The following OPRM1 variants were observed in gnomAD, a reference collection of about 807,000 sequenced individuals.
OPRM1 encodes opioid receptor mu 1, also known as mu-type opioid receptor.
OPRM1 carries 27 observed loss-of-function variants against 31.8 expected under a neutral mutation model. That is an observed-to-expected ratio of 0.85 (90% CI 0.63 to 1.17). OPRM1 has a LOEUF of 1.17. Ranked by LOEUF, OPRM1 falls within the 50% of genes most tolerant of loss-of-function variation. OPRM1 has a pLI of 0.00. For synonymous variants in OPRM1, 196 were observed against 189.9 expected (o/e 1.03, Z -0.26); for missense variants, 536 against 511.1 (o/e 1.05, Z -0.47).
At chr6:154,070,250 T>C (rs1701803086) in intron 1 of OPRM1, among the ~76,000 whole-genome samples, 1 of 152,162 alleles carries the variant, frequency 6.6e-6, no homozygotes, top group Admixed American at 6.5e-5. Flanking sequence ...AGAAAACTGT[T>C]AGCCAGGTAA....
At chr6:154,148,677 C>G (rs748088794) in intron 3 of OPRM1, among the ~76,000 whole-genome samples, 1 of 152,216 alleles carries the variant, frequency 6.6e-6, no homozygotes, top group African/African-American at 2.4e-5. Flanking sequence ...CTCCCCCAGA[C>G]CTCCTTGTCC....
chr6:154,220,153 A>G (rs2128615281), intron 3 of OPRM1, among the ~76,000 whole-genome samples: 1 of 152,302 alleles, frequency 6.6e-6, no homozygotes, highest in South Asian at 2.1e-4. Flanking sequence ...GGTTAAGCGT[A>G]AGCTCTGTGA....
rs1797725308 is a variant in OPRM1 at position 154,128,708 on chromosome 6, CTGAGCACATAAAGACATCAT to C, written c.*9992_*10011del. ...CTGGTTTCCCAGAGACAGCTGGAGACTGAGCACATAAAGACATCATTGAGGAAAAAGGCTACCTTGTACCT... is the reference window on the plus strand; with the variant it reads ...CTGGTTTCCCAGAGACAGCTGGAGACTGAGGAAAAAGGCTACCTTGTACCT... On this transcript the variant is annotated 3_prime_UTR_variant, in exon 4 of 4. Coordinates refer to ENST00000330432, the MANE Select transcript of OPRM1 (RefSeq NM_000914.5). Among the ~76,000 whole-genome samples the C allele has an allele frequency of 6.6e-6, 1 of 152,132 alleles. No homozygotes were observed.
At position 154,132,243 on chromosome 6, in the gene OPRM1, A is replaced by G. The variant is rs1461295669; in HGVS notation, c.*13522A>G. Among the ~76,000 whole-genome samples, 6 of 152,152 alleles carry G rather than the reference A, an allele frequency of 3.9e-5. No individual in the cohort carries two copies. Among genetic ancestry groups the G allele is most frequent in the Admixed American group, 2.6e-4 (4 of 15,270 alleles). On this transcript the variant is annotated 3_prime_UTR_variant, in exon 4 of 4. Coordinates refer to ENST00000330432, the MANE Select transcript of OPRM1 (RefSeq NM_000914.5). ...TAAAAAATATAAATTTTTGCATTGTATTGTTCTTGATGTACCAGCATACAT... is the reference window on the plus strand; with the variant it reads ...TAAAAAATATAAATTTTTGCATTGTGTTGTTCTTGATGTACCAGCATACAT...
At position 154,124,081 on chromosome 6, in the gene OPRM1, T is replaced by C. The variant is rs1797451983; in HGVS notation, c.*5360T>C. Among the ~76,000 whole-genome samples, 1 of 151,912 alleles carries C rather than the reference T, an allele frequency of 6.6e-6. No individual in the cohort carries two copies. The highest frequency in any genetic ancestry group is 1.5e-5 in the Non-Finnish European group (1 of 67,970). On this transcript the variant is annotated 3_prime_UTR_variant, in exon 4 of 4. Transcript: ENST00000330432. ...ACTTGAATTACAAATATAAGGACCATTGACACTGAGATTTTAAGGGAGGAA... is the reference window on the plus strand; with the variant it reads ...ACTTGAATTACAAATATAAGGACCACTGACACTGAGATTTTAAGGGAGGAA...
intron 3 of OPRM1, among the ~76,000 whole-genome samples, chr6:154,192,318 C>CTGTGTGTGTG (rs56231733): frequency 0.035 from 5,168 of 148,022 alleles, 113 homozygotes; most frequent in East Asian, 0.071. Context: ...CACGTGGTTA[C>CTGTGTGTGTG]TGTGTGTGTG....
intron 3 of OPRM1, among the ~76,000 whole-genome samples, chr6:154,143,624 A>T (rs541658581): frequency 6.6e-6 from 1 of 152,300 alleles, no homozygotes; most frequent in East Asian, 1.9e-4. Flanking sequence ...CCATGTTAAA[A>T]ATTTAGTTGC....
chr6:154,200,261 G>A (rs763744718), intron 3 of OPRM1, among the ~76,000 whole-genome samples: 3 of 152,060 alleles, frequency 2.0e-5, no homozygotes, highest in Admixed American at 6.6e-5. Context: ...CACTGTTCTA[G>A]GATCTGAAAA....
intron 3 of OPRM1, among the ~76,000 whole-genome samples, chr6:154,139,942 G>A (rs1458507414): frequency 6.6e-6 from 1 of 152,086 alleles, no homozygotes; most frequent in Admixed American, 6.5e-5. Flanking sequence ...CTCTTGGGGG[G>A]AACAAAAAAG....
At chr6:154,011,514 C>A (rs1163481821) in intron 1 of OPRM1, among the ~76,000 whole-genome samples, 2 of 152,108 alleles carry the variant, frequency 1.3e-5, no homozygotes, top group Non-Finnish European at 1.5e-5. Context: ...TATCTTTGTA[C>A]ACCTATATGC....
At chr6:154,104,291 G>T (rs1795278425) in intron 3 of OPRM1, among the ~76,000 whole-genome samples, 1 of 152,198 alleles carries the variant, frequency 6.6e-6, no homozygotes, top group African/African-American at 2.4e-5. Flanking sequence ...CATTCAGTCA[G>T]CTTGTCCTGT....
intron 3 of OPRM1, among the ~76,000 whole-genome samples, chr6:154,231,011 A>G (rs1299398951): frequency 1.3e-5 from 2 of 152,200 alleles, no homozygotes; most frequent in African/African-American, 4.8e-5. Flanking sequence ...GAAACTGCAA[A>G]AGTCTCCATT....
intron 1 of OPRM1, among the ~76,000 whole-genome samples, chr6:154,052,069 A>G (rs1782312824): frequency 6.6e-6 from 1 of 152,206 alleles, no homozygotes; most frequent in South Asian, 2.1e-4. Flanking sequence ...CAGCAAGCTG[A>G]CACAGGAACA....
rs778728049 is a variant in OPRM1 at position 154,168,319 on chromosome 6, G to T, written c.1164+76847G>T. On this transcript the variant is annotated intron_variant, in intron 3 of 3. Coordinates refer to the OPRM1 transcript ENST00000337049. This position sits in a 1 kb window ranked among gnomAD's most constrained non-coding sequence, Gnocchi z 4.1. The stretch of plus-strand genomic sequence containing the variant: ...CTGCAGAGCCACGTTCCCTGTGAAG[G>T]CACCAGGGAAGGAGTTATTCCAAGC... 1.3e-5 allele frequency among the ~76,000 whole-genome samples: 2 copies of T among 152,138 alleles called. No homozygotes were observed. Among genetic ancestry groups the T allele is most frequent in the Non-Finnish European group, 2.9e-5 (2 of 68,018 alleles).
chr6:154,222,840 G>GTTTTT, intron 3 of OPRM1: 1 of 324,174 alleles, frequency 3.1e-6, no homozygotes, highest in Non-Finnish European at 5.9e-6. Flanking sequence ...TTAACTGCTT[G>GTTTTT]TTTTTTCTTT....
chr6:154,064,412 C>T (rs17174701), intron 1 of OPRM1, among the ~76,000 whole-genome samples: 206 of 152,142 alleles, frequency 1.4e-3, no homozygotes, highest in Middle Eastern at 3.4e-3. Context: ...TATATGATTT[C>T]CAAATATATT....
intron 3 of OPRM1, among the ~76,000 whole-genome samples, chr6:154,231,848 C>T (rs1210668678): frequency 1.3e-5 from 2 of 151,660 alleles, no homozygotes; most frequent in African/African-American, 4.8e-5. Context: ...AAAACAAACA[C>T]GAAAAAGAAA....
intron 1 of OPRM1, 139 bp downstream of exon 1, chr6:154,039,973 C>T (rs1276135929): frequency 6.4e-6 from 4 of 620,788 alleles, no homozygotes; most frequent in African/African-American, 3.7e-5. Flanking sequence ...GAGGAGACCA[C>T]GGACAGTGAT....
chr6:154,118,640 G>A (rs911694845), intron 3 of OPRM1, 43 bp from the exon 4 acceptor site: 8 of 1,592,704 alleles, frequency 5.0e-6, no homozygotes, highest in South Asian at 1.1e-5. Flanking sequence ...TGTTGCAACC[G>A]TATCTGAAAT....
Sources: gnomAD v4.1 joint callset for allele counts (sites outside exome capture counted in the v4.1 genomes callset) on GRCh38, gnomAD v4.1.1 for gene constraint, Gnocchi (gnomAD v3.1) non-coding constraint, MANE v1.5 for transcripts, NCBI Gene and HGNC (gene_info 2026-07-23, HGNC 2026-07-21) for gene names.